PRRX2: variants seen among roughly 807,000 people sequenced by gnomAD.
PRRX2 encodes the protein paired related homeobox 2, also known as paired mesoderm homeobox protein 2.
A neutral mutation model predicts 18.0 loss-of-function variants in PRRX2; 11 were observed. The observed-to-expected ratio is 0.61, with a 90% CI of 0.39 to 1.01. The LOEUF (loss-of-function observed/expected upper bound fraction) is 1.01, where lower values mean the gene tolerates loss of function less well. PRRX2 is among the 50% of genes least tolerant of loss of function. The pLI is 0.01. For missense variants in PRRX2, 387 were observed against 351.0 expected (o/e 1.10, Z -0.82); for synonymous variants, 177 against 154.8 (o/e 1.14, Z -1.06).
At chr9:129,707,385 A>G (rs527893661) in intron 1 of PRRX2, among the ~76,000 whole-genome samples, 95 of 152,274 alleles carry the variant, frequency 6.2e-4, no homozygotes, top group African/African-American at 2.2e-3. Flanking sequence ...TGTTTCATTT[A>G]TTTTTATTGC....
In PRRX2 at chr9:129,675,815, C is replaced by G. The variant is rs1400293763; in HGVS notation, c.259+9689C>G. 6.6e-6 allele frequency among the ~76,000 whole-genome samples: 1 copy of G among 152,218 alleles called. No individual in the cohort carries two copies. The highest frequency in any genetic ancestry group is 1.5e-5 in the Non-Finnish European group (1 of 68,028). ...AGGCGGGCGCGCCTGGCAGGGGCCT[C>G]GCAGCCTCTCTCGCCGCCAGAGCTC... On this transcript the variant is annotated intron_variant, in intron 1 of 3. Coordinates refer to ENST00000372469, the MANE Select transcript of PRRX2 (RefSeq NM_016307.4). The surrounding 1 kb of genome is among the most constrained non-coding windows in gnomAD (Gnocchi z 4.4).
At chr9:129,666,164 G>GGGGCCC in intron 1 of PRRX2, 38 bp downstream of exon 1, 1 of 982,254 alleles carries the variant, frequency 1.0e-6, no homozygotes, top group Non-Finnish European at 1.2e-6. Context: ...TGGCGGGGCC[G>GGGGCCC]GGGCCGGGGC....
rs375114879 is a variant in PRRX2 at position 129,679,631 on chromosome 9, C to T, written c.259+13505C>T. Among the ~76,000 whole-genome samples, 41 of 152,310 alleles carry T rather than the reference C, an allele frequency of 2.7e-4. 1 individual carries two copies. The East Asian group carries it at 5.0e-3, about 19-fold the overall frequency. ...GCCGACCTGGAGTCCCTGGATTGGG[C>T]TGACTGCGACCTTACCCAGCCTCTC... On this transcript the variant is annotated intron_variant, in intron 1 of 3. Coordinates refer to ENST00000372469, the MANE Select transcript of PRRX2 (RefSeq NM_016307.4).
At chr9:129,711,772 C>T (rs1285464355) in intron 1 of PRRX2, among the ~76,000 whole-genome samples, 2 of 152,094 alleles carry the variant, frequency 1.3e-5, no homozygotes, top group Non-Finnish European at 2.9e-5. Context: ...GCTAGTGAGG[C>T]GGACCGGCCT....
chr9:129,711,941 T>A (rs1196524901), intron 1 of PRRX2, among the ~76,000 whole-genome samples: 1 of 152,142 alleles, frequency 6.6e-6, no homozygotes, highest in Non-Finnish European at 1.5e-5. Context: ...GTTTCAGAGT[T>A]CCTGTCTGAG....
chr9:129,714,178 G>A (rs1298794809), intron 1 of PRRX2, among the ~76,000 whole-genome samples: 4 of 151,666 alleles, frequency 2.6e-5, no homozygotes, highest in Admixed American at 2.6e-4. Context: ...TGTGGCGGAC[G>A]CCTGTAATCC....
intron 3 of PRRX2, among the ~76,000 whole-genome samples, chr9:129,721,684 A>G (rs942542052): frequency 6.6e-6 from 1 of 152,088 alleles, no homozygotes; most frequent in African/African-American, 2.4e-5. Context: ...GGCTCAAGCA[A>G]TTCTCCTGCC....
At chr9:129,687,254 T>C (rs1179557396) in intron 1 of PRRX2, among the ~76,000 whole-genome samples, 3 of 152,106 alleles carry the variant, frequency 2.0e-5, no homozygotes, top group Admixed American at 2.0e-4. Flanking sequence ...AAAAGTCGGC[T>C]GCATTCAACA....
intron 1 of PRRX2, among the ~76,000 whole-genome samples, chr9:129,696,905 A>G (rs1564150517): frequency 6.6e-6 from 1 of 151,236 alleles, no homozygotes; most frequent in Non-Finnish European, 1.5e-5. Context: ...TGCAGCGCGG[A>G]CCCCCCTGGG....
intron 1 of PRRX2, among the ~76,000 whole-genome samples, chr9:129,693,003 G>T (rs1242193738): frequency 6.6e-6 from 1 of 152,114 alleles, no homozygotes; most frequent in Non-Finnish European, 1.5e-5. Flanking sequence ...GTACCATTTC[G>T]CATTCTCGCC....
At chr9:129,717,754 G>A (rs924299968) in intron 1 of PRRX2, among the ~76,000 whole-genome samples, 1 of 151,894 alleles carries the variant, frequency 6.6e-6, no homozygotes, top group African/African-American at 2.4e-5. Context: ...AGTGGGATAG[G>A]GGAGGGGAGA....
chr9:129,699,423 CAA>C (rs200213870), intron 1 of PRRX2, among the ~76,000 whole-genome samples: 4,078 of 147,080 alleles, frequency 0.028, 164 homozygotes, highest in African/African-American at 0.096. Context: ...GACTCTGTCT[CAA>C]AAAAAATATA....
chr9:129,696,081 C>T (rs1306913060), intron 1 of PRRX2, among the ~76,000 whole-genome samples: 2 of 140,190 alleles, frequency 1.4e-5, no homozygotes, highest in African/African-American at 5.7e-5. Context: ...AGAAAGAAAA[C>T]GAAAAAAAAA....
chr9:129,672,554 C>G (rs1832112195), intron 1 of PRRX2, among the ~76,000 whole-genome samples: 1 of 152,324 alleles, frequency 6.6e-6, no homozygotes, highest in East Asian at 1.9e-4. Flanking sequence ...TGTCCACACC[C>G]AGGCAGGCGC....
At chr9:129,688,522 A>G (rs1452111254) in intron 1 of PRRX2, among the ~76,000 whole-genome samples, 2 of 152,178 alleles carry the variant, frequency 1.3e-5, no homozygotes, top group African/African-American at 4.8e-5. Context: ...GCAAACACGC[A>G]GTAGCACACT....
At chr9:129,689,987 G>C in intron 1 of PRRX2, among the ~76,000 whole-genome samples, 1 of 151,868 alleles carries the variant, frequency 6.6e-6, no homozygotes, top group African/African-American at 2.4e-5. Flanking sequence ...TCTTGACCTT[G>C]TGATCCGCCC....
intron 1 of PRRX2, among the ~76,000 whole-genome samples, chr9:129,666,859 G>C (rs983392882): frequency 2.6e-5 from 4 of 152,198 alleles, no homozygotes; most frequent in African/African-American, 9.6e-5. Flanking sequence ...ACACACTAAG[G>C]ATGGGGGCCC....
At chr9:129,690,569 C>A (rs1165578675) in intron 1 of PRRX2, among the ~76,000 whole-genome samples, 1 of 148,354 alleles carries the variant, frequency 6.7e-6, no homozygotes, top group Non-Finnish European at 1.5e-5. Context: ...TGCAGTGGTG[C>A]GATCTCGGCT....
intron 3 of PRRX2, 34 bp downstream of exon 3, chr9:129,720,808 G>A: frequency 6.7e-7 from 1 of 1,503,744 alleles, no homozygotes; most frequent in Non-Finnish European, 8.9e-7. Flanking sequence ...CCAGGAAGGG[G>A]CAGCTCGAGG....
Sources: gnomAD v4.1 joint callset for allele counts (sites outside exome capture counted in the v4.1 genomes callset) on GRCh38, gnomAD v4.1.1 for gene constraint, Gnocchi (gnomAD v3.1) non-coding constraint, MANE v1.5 for transcripts, NCBI Gene and HGNC (gene_info 2026-07-23, HGNC 2026-07-21) for gene names.